The following ADGRV1 variants were observed in gnomAD, a reference collection of about 807,000 sequenced individuals.
ADGRV1 encodes the protein adhesion G protein-coupled receptor V1.
A neutral mutation model predicts 596.2 loss-of-function variants in ADGRV1; 359 were observed. That is an observed-to-expected ratio of 0.60 (90% CI 0.55 to 0.66). The LOEUF is 0.66. ADGRV1 is among the 30% of genes least tolerant of loss of function. The pLI is 0.00. For synonymous variants in ADGRV1, 2,681 were observed against 2,679.2 expected, an observed-to-expected ratio of 1.00 and a Z score of -0.02; for missense variants, 7,274 against 7,575.6, an observed-to-expected ratio of 0.96 and a Z score of 1.48.
chr5:90,923,980 A>G (rs1774153927), intron 83 of ADGRV1, among the ~76,000 whole-genome samples: 1 of 151,736 alleles, frequency 6.6e-6, no homozygotes, highest in South Asian at 2.1e-4. Flanking sequence ...TTATGGCTGC[A>G]TAGTATTCCA....
chr5:90,940,065 A>C (rs1468877672), intron 83 of ADGRV1, among the ~76,000 whole-genome samples: 1 of 152,166 alleles, frequency 6.6e-6, no homozygotes, highest in Non-Finnish European at 1.5e-5. Context: ...TTCAAAATGC[A>C]TTGTCGACTT....
intron 74 of ADGRV1, among the ~76,000 whole-genome samples, chr5:90,813,321 G>T (rs985211219): frequency 6.6e-6 from 1 of 151,982 alleles, no homozygotes; most frequent in Admixed American, 6.6e-5. Flanking sequence ...GTTCTTTGCT[G>T]TTCCAAGCCA....
chr5:91,054,972 C>T (rs1484003044), intron 85 of ADGRV1, among the ~76,000 whole-genome samples: 1 of 152,162 alleles, frequency 6.6e-6, no homozygotes, highest in Non-Finnish European at 1.5e-5. Flanking sequence ...GCTTAATTAC[C>T]ATTTCCCCTT....
intron 10 of ADGRV1, among the ~76,000 whole-genome samples, chr5:90,637,149 T>A (rs1459495873): frequency 6.6e-6 from 1 of 152,176 alleles, no homozygotes; most frequent in Non-Finnish European, 1.5e-5. Flanking sequence ...CATGAGAAAA[T>A]TAGGATCAGA....
At chr5:90,907,803 G>A (rs1772463137) in intron 83 of ADGRV1, among the ~76,000 whole-genome samples, 1 of 152,010 alleles carries the variant, frequency 6.6e-6, no homozygotes, top group Non-Finnish European at 1.5e-5. Context: ...CACAGTATCT[G>A]CTAGGTGTTC....
At chr5:90,816,720 G>C (rs1471383322) in intron 75 of ADGRV1, among the ~76,000 whole-genome samples, 1,814 of 151,974 alleles carry the variant, frequency 0.012, 40 homozygotes, top group African/African-American at 0.041. Flanking sequence ...CTTCATCCAT[G>C]TCCCTACAAA....
chr5:90,776,414 G>A (rs745891239), intron 60 of ADGRV1, 39 bp from the exon 61 acceptor site: 2 of 1,577,188 alleles, frequency 1.3e-6, no homozygotes, highest in Non-Finnish European at 8.6e-7. Context: ...GTGCTTATGT[G>A]CACCTGCTAC....
At chr5:91,016,656 G>A (rs1271221158) in intron 85 of ADGRV1, among the ~76,000 whole-genome samples, 1 of 151,878 alleles carries the variant, frequency 6.6e-6, no homozygotes, top group Non-Finnish European at 1.5e-5. Flanking sequence ...CAGAGATGAC[G>A]CTCACCTGCT....
intron 20 of ADGRV1, chr5:90,655,494 A>G (rs1024196031): frequency 2.0e-5 from 3 of 152,188 alleles, no homozygotes; most frequent in Non-Finnish European, 2.9e-5. Context: ...TAGTACTTCT[A>G]TGGATACTCT....
chr5:90,677,668 T>C (rs1744408401), intron 25 of ADGRV1, among the ~76,000 whole-genome samples: 1 of 152,224 alleles, frequency 6.6e-6, no homozygotes. Context: ...TGACACTTGT[T>C]ATATTATTGA....
At chr5:91,143,460 G>A (rs1795270045) in intron 87 of ADGRV1, among the ~76,000 whole-genome samples, 1 of 152,188 alleles carries the variant, frequency 6.6e-6, no homozygotes, top group African/African-American at 2.4e-5. Flanking sequence ...GCTCAGAGGA[G>A]ACTCGCAGTG....
In ADGRV1 at chr5:90,709,989, T is replaced by A. The variant is rs919062730; in HGVS notation, c.8825-992T>A. Among the ~76,000 whole-genome samples, 15 of 152,220 alleles carry A rather than the reference T, an allele frequency of 9.9e-5. 1 individual carries two copies. The highest frequency in any genetic ancestry group is 7.3e-5 in the Non-Finnish European group (5 of 68,030). ...TTAGGCTAAGAGAAGCTGCGTAATA[T>A]GCCCCAAATCACACAGCTGGAGACT... On this transcript the variant is annotated intron_variant, in intron 39 of 89. Transcript: ENST00000405460.
intron 89 of ADGRV1, among the ~76,000 whole-genome samples, chr5:91,161,420 G>A (rs1208226500): frequency 2.6e-5 from 4 of 152,042 alleles, no homozygotes; most frequent in Non-Finnish European, 2.9e-5. Flanking sequence ...CCTGGTCCAT[G>A]GGTTTTTTGT....
intron 42 of ADGRV1, among the ~76,000 whole-genome samples, chr5:90,716,003 T>TGTA (rs1750059431): frequency 6.6e-6 from 1 of 152,190 alleles, no homozygotes; most frequent in South Asian, 2.1e-4. Flanking sequence ...TTACTGTAGT[T>TGTA]CTAATATTTT....
chr5:90,632,843 A>G (rs1765672593), intron 9 of ADGRV1, among the ~76,000 whole-genome samples: 1 of 152,216 alleles, frequency 6.6e-6, no homozygotes, highest in Non-Finnish European at 1.5e-5. Flanking sequence ...TAGGGTGAAC[A>G]AGGCATTATT....
chr5:90,791,476 A>G (rs1760072501), intron 70 of ADGRV1, 130 bp downstream of exon 70: 1 of 641,024 alleles, frequency 1.6e-6, no homozygotes, highest in African/African-American at 1.8e-5. Flanking sequence ...TGCCCTCGAA[A>G]ATGTTTAGTA....
intron 69 of ADGRV1, among the ~76,000 whole-genome samples, chr5:90,790,600 G>A (rs1401880343): frequency 6.6e-6 from 1 of 152,064 alleles, no homozygotes; most frequent in African/African-American, 2.4e-5. Context: ...AATTTTTAAG[G>A]TAGCTTGCTT....
chr5:90,858,898 C>T (rs1226055880), intron 82 of ADGRV1, among the ~76,000 whole-genome samples: 2 of 152,138 alleles, frequency 1.3e-5, no homozygotes, highest in Non-Finnish European at 2.9e-5. Flanking sequence ...AGGGGGAAAG[C>T]TCTTGAGTCC....
intron 85 of ADGRV1, among the ~76,000 whole-genome samples, chr5:90,998,326 A>T (rs1240537743): frequency 1.3e-5 from 2 of 151,120 alleles, no homozygotes; most frequent in African/African-American, 4.9e-5. Flanking sequence ...AGTAAGCATT[A>T]TTTTTTTTTA....
Sources: allele counts gnomAD v4.1 joint callset (sites outside exome capture counted in the v4.1 genomes callset), GRCh38; gene constraint gnomAD v4.1.1; transcripts MANE v1.5; gene names NCBI Gene and HGNC (gene_info 2026-07-23, HGNC 2026-07-21).